Variants in NOMO1 observed in about 807,000 individuals in gnomAD.
The protein encoded by NOMO1 is NODAL modulator 1.
NOMO1 carries 40 observed loss-of-function variants against 133.8 expected under a neutral mutation model. The ratio of observed to expected loss-of-function variants is 0.30; its 90% CI spans 0.23 to 0.39. The LOEUF (loss-of-function observed/expected upper bound fraction) is 0.39. Among genes scored for constraint, NOMO1 ranks in the 10% least tolerant of loss-of-function variants. The pLI is 1.00. For missense variants in NOMO1, 462 were observed against 1,419.9 expected (o/e 0.33, Z 10.84); for synonymous variants, 236 against 570.5 (o/e 0.41, Z 8.36).
intron 11 of NOMO1, among the ~76,000 whole-genome samples, chr16:14,859,299 A>G (rs1461747383): frequency 6.6e-6 from 1 of 151,940 alleles, no homozygotes; most frequent in African/African-American, 2.4e-5. Flanking sequence ...CTGTAGACAG[A>G]TGGAGGTCGA....
At chr16:14,853,633 A>T (rs947012971) in intron 8 of NOMO1, 29 bp downstream of exon 8, 10 of 1,611,444 alleles carry the variant, frequency 6.2e-6, no homozygotes, top group Non-Finnish European at 8.5e-6. Flanking sequence ...CGTTCTGTTT[A>T]TGTCTGAGAC....
At chr16:14,867,174 ATATTTTTT>A (rs1325582223) in intron 15 of NOMO1, among the ~76,000 whole-genome samples, 18 of 13,922 alleles carry the variant, frequency 1.3e-3, no homozygotes, top group South Asian at 5.9e-3. Flanking sequence ...ATATATATAT[ATATTTTTT>A]TTTTTTTTTT....
intron 9 of NOMO1, among the ~76,000 whole-genome samples, chr16:14,855,719 A>G (rs1425681143): frequency 1.3e-5 from 2 of 152,018 alleles, no homozygotes; most frequent in Admixed American, 6.5e-5. Context: ...AGCCAAATAC[A>G]TATTTTGAAA....
chr16:14,853,233 T>A, intron 7 of NOMO1: 1 of 360,324 alleles, frequency 2.8e-6, no homozygotes, highest in South Asian at 2.7e-5. Flanking sequence ...TGGTGACCCA[T>A]GATAAGGAAG....
intron 16 of NOMO1, 65 bp from the exon 17 acceptor site, chr16:14,871,556 T>G (rs1964081223): frequency 1.2e-6 from 2 of 1,608,742 alleles, no homozygotes; most frequent in Admixed American, 1.7e-5. Context: ...CGATTTCAGA[T>G]GTCGGAATTG....
chr16:14,864,507 G>A, intron 12 of NOMO1, 78 bp from the exon 13 acceptor site: 1 of 1,578,422 alleles, frequency 6.3e-7, no homozygotes, highest in Non-Finnish European at 8.6e-7. Context: ...GGTCCCAGAT[G>A]AATGTTCTAG....
At position 14,853,624 on chromosome 16, in the gene NOMO1, G is replaced by T. The variant is rs376556764; in HGVS notation, c.873+20G>T. 1.9e-6 allele frequency: 3 copies of T among 1,611,508 alleles called. No homozygotes were observed. Among genetic ancestry groups the T allele is most frequent in the Non-Finnish European group, 2.5e-6 (3 of 1,179,820 alleles). ...ACTGTGGTGAGTAAAGCAGATTTCC[G>T]TTCTGTTTATGTCTGAGACTCTCAT... On this transcript the variant is annotated intron_variant, in intron 8 of 30. Transcript: ENST00000287667.
Position 14,857,292 on chromosome 16 carries a change from G to A in NOMO1, c.1039G>A (p.Ala347Thr). 1 of 1,600,078 alleles carries A rather than the reference G, an allele frequency of 6.2e-7. No homozygotes were observed. Among genetic ancestry groups the A allele is most frequent in the Admixed American group, 1.7e-5 (1 of 59,586 alleles). ...ACCCGAAGGAGATGGTGTTCCAGAAGCAGTAGTCACCCTGAATAACCAAAT... is the reference window on the plus strand; with the variant it reads ...ACCCGAAGGAGATGGTGTTCCAGAAACAGTAGTCACCCTGAATAACCAAAT... ...NGPEGDGVPE[A>T]VVTLNNQIKV... The change falls in exon 10 of 31, where the codon GCA becomes ACA. Residue 347 changes from alanine (A) to threonine (T), a missense_variant. Coordinates refer to ENST00000287667, the MANE Select transcript of NOMO1 (RefSeq NM_014287.4).
intron 16 of NOMO1, 92 bp from the exon 17 acceptor site, chr16:14,871,528 AT>A (rs1964080809): frequency 6.3e-7 from 1 of 1,590,498 alleles, no homozygotes. Context: ...GAGTTTTCAC[AT>A]GCAAAGAGCT....
At chr16:14,867,164 ATATATATATATATTTTTTTTTTT>A (rs1357636980) in intron 15 of NOMO1, among the ~76,000 whole-genome samples, 1 of 20,890 alleles carries the variant, frequency 4.8e-5, no homozygotes, top group African/African-American at 1.3e-4. Flanking sequence ...ATATATATAT[ATATATATATATATTTTTTTTTTT>A]TTTTTTTTTT....
At chr16:14,836,901 T>A (rs1963523397) in intron 1 of NOMO1, among the ~76,000 whole-genome samples, 1 of 151,272 alleles carries the variant, frequency 6.6e-6, no homozygotes, top group African/African-American at 2.4e-5. Flanking sequence ...GAGACGGGGT[T>A]TCACCTTGTT....
In NOMO1 at chr16:14,846,682, A is replaced by C. The variant is rs772456339; in HGVS notation, c.508A>C (p.Lys170Gln). The C allele has an allele frequency of 6.8e-6, 8 of 1,176,838 alleles. No homozygotes were observed. The highest frequency in any genetic ancestry group is 8.5e-6 in the Non-Finnish European group (7 of 822,658). 72.9% of individuals were successfully genotyped at this position (1,176,838 alleles called of 1,614,324 possible). Residue 170 changes from lysine (K) to glutamine (Q), a missense_variant and splice_region_variant, in exon 5 of 31, where the codon AAG becomes CAG. Physicochemically the swap from Lys to Gln is moderately conservative, Grantham distance 53. Coordinates refer to ENST00000287667, the MANE Select transcript of NOMO1 (RefSeq NM_014287.4). ...GTCCACAGTTACACAGCCTGGCGGA[A>C]AGTGAGTAGCGTCCTGTCTCTTAGT... Reference protein sequence around the residue: ...IQSTVTQPGGKFAFFKVLPGD... With the variant: ...IQSTVTQPGGQFAFFKVLPGD...
chr16:14,861,239 A>AT (rs1289129383), intron 11 of NOMO1, among the ~76,000 whole-genome samples: 3 of 134,716 alleles, frequency 2.2e-5, no homozygotes, highest in Non-Finnish European at 4.7e-5. Flanking sequence ...AATATCCACC[A>AT]ATATTACCTG....
At chr16:14,857,078 C>A in intron 9 of NOMO1, 139 bp from the exon 10 acceptor site, 1 of 1,048,932 alleles carries the variant, frequency 9.5e-7, no homozygotes, top group East Asian at 2.6e-5. Context: ...GGCTGGCACA[C>A]AGGACCGGGG....
chr16:14,840,586 CAA>C (rs1235855043), intron 2 of NOMO1, among the ~76,000 whole-genome samples: 1 of 127,066 alleles, frequency 7.9e-6, no homozygotes. Context: ...GGCTCCATCT[CAA>C]AAAAAAAAAA....
intron 24 of NOMO1, among the ~76,000 whole-genome samples, chr16:14,880,891 CAT>C (rs1356535691): frequency 1.3e-5 from 2 of 150,638 alleles, no homozygotes; most frequent in Non-Finnish European, 3.0e-5. Context: ...GATAGATACA[CAT>C]GAGTGTCTGG....
chr16:14,891,935 A>G (rs1015952214), intron 29 of NOMO1, among the ~76,000 whole-genome samples: 1 of 152,078 alleles, frequency 6.6e-6, no homozygotes, highest in Non-Finnish European at 1.5e-5. Flanking sequence ...CACAGTAGAG[A>G]CCTGGTTAGA....
At chr16:14,870,030 A>G (rs1424610747) in intron 16 of NOMO1, among the ~76,000 whole-genome samples, 1 of 150,762 alleles carries the variant, frequency 6.6e-6, no homozygotes, top group African/African-American at 2.4e-5. Context: ...GATAAAATAC[A>G]AACTCCTTAA....
At chr16:14,874,966 C>T (rs1203707002) in intron 18 of NOMO1, 70 bp from the exon 19 acceptor site, 16 of 1,603,570 alleles carry the variant, frequency 1.0e-5, no homozygotes, top group East Asian at 4.5e-5. Context: ...AGTCCATACT[C>T]GTAGAAAGGT....
Sources: gnomAD v4.1 joint callset for allele counts (sites outside exome capture counted in the v4.1 genomes callset) on GRCh38, gnomAD v4.1.1 for gene constraint, MANE v1.5 for transcripts, NCBI Gene and HGNC (gene_info 2026-07-23, HGNC 2026-07-21) for gene names.